Variants in LRRC56 observed in about 807,000 individuals in gnomAD.
LRRC56 encodes leucine-rich repeat-containing protein 56.
Under a neutral mutation model 47.8 loss-of-function variants are expected in LRRC56, and 41 were observed. The ratio of observed to expected loss-of-function variants is 0.86; its 90% confidence interval spans 0.67 to 1.11. LRRC56 has a LOEUF of 1.11. Among genes scored for constraint, LRRC56 ranks in the 50% most tolerant of loss-of-function variants. The pLI is 0.00. For synonymous variants in LRRC56, 387 were observed against 311.2 expected (o/e 1.24, Z -2.56); for missense variants, 759 against 704.2 (o/e 1.08, Z -0.88).
chr11:532,775 A>T (rs755243461), upstream of LRRC56: 3 of 1,611,116 alleles, frequency 1.9e-6, no homozygotes, highest in South Asian at 2.2e-5. Context: ...GAGGGATGGG[A>T]TCAGGAGGGA....
At chr11:530,811 G>C in the LRRC56 span, among the ~76,000 whole-genome samples, 521 of 24,566 alleles carry the variant, frequency 0.021, no homozygotes, top group Admixed American at 0.048. Flanking sequence ...AGAGAAGGGC[G>C]AGTGTGGCGT....
the LRRC56 span, among the ~76,000 whole-genome samples, chr11:518,451 G>C: frequency 6.6e-6 from 1 of 152,058 alleles, no homozygotes; most frequent in African/African-American, 2.4e-5. Context: ...AAAGTGCTTG[G>C]GATTACAGGC....
chr11:540,799 G>A lies in LRRC56; in HGVS notation c.115G>A (p.Gly39Ser), dbSNP rs759234077. The A allele has an allele frequency of 6.2e-7, 1 of 1,603,832 alleles. No individual in the cohort carries two copies. The highest frequency in any genetic ancestry group is 1.1e-5 in the South Asian group (1 of 89,270). The change falls in exon 4 of 14, where the codon GGC (glycine) becomes AGC (serine). Residue 39 changes from glycine to serine, a missense_variant. Gly to Ser is a moderately conservative substitution (Grantham distance 56, BLOSUM62 0). Transcript: ENST00000270115. ...CCCCTGCCCACAGAGCAAGGGCCCTGGCAGTCAGAGGGACAGACTTGGAGA... is the reference window on the plus strand; with the variant it reads ...CCCCTGCCCACAGAGCAAGGGCCCTAGCAGTCAGAGGGACAGACTTGGAGA... ...HNPCPQSKGP[G>S]SQRDRLGEQL...
At chr11:532,281 C>T in the LRRC56 span, 1 of 460,602 alleles carries the variant, frequency 2.2e-6, no homozygotes, top group South Asian at 2.4e-5. Context: ...CCATCTGTGC[C>T]CGACAAGGGC....
rs987049514 is a variant in LRRC56, at chr11:540,882, C to A, written c.177+21C>A. On this transcript the variant is annotated intron_variant, in intron 4 of 13. Coordinates refer to ENST00000270115, the MANE Select transcript of LRRC56 (RefSeq NM_198075.4). ...GGCTGGTGAGTGTGGGCGCTGGGGG[C>A]TGTGGCCACAGAGGCCTCCGTGGGG... 4 of 1,522,478 alleles carry A rather than the reference C, an allele frequency of 2.6e-6. No individual in the cohort carries two copies. In the African/African-American group the frequency reaches 4.1e-5, roughly 16 times the overall value. The allele number at this position is 1,522,478 out of a possible 1,614,324, so 94.3% of individuals were successfully genotyped here.
intron 5 of LRRC56, among the ~76,000 whole-genome samples, chr11:542,678 CCGTG>C (rs1385092439): frequency 1.3e-5 from 2 of 151,866 alleles, no homozygotes; most frequent in Non-Finnish European, 2.9e-5. Flanking sequence ...CTGCTCCCTC[CCGTG>C]CGTGCACAGC....
intron 9 of LRRC56, 51 bp downstream of exon 9, chr11:551,353 G>C: frequency 8.0e-7 from 1 of 1,257,484 alleles, no homozygotes; most frequent in African/African-American, 1.5e-5. Flanking sequence ...GCTCCCCCCA[G>C]GAAGAGGCCC....
the LRRC56 span, among the ~76,000 whole-genome samples, chr11:516,178 G>A: frequency 3.9e-5 from 6 of 152,204 alleles, no homozygotes; most frequent in African/African-American, 1.4e-4. Flanking sequence ...TGGATCACTT[G>A]AGGCCAGGAG....
the LRRC56 span, among the ~76,000 whole-genome samples, chr11:509,216 C>G: frequency 6.6e-6 from 1 of 152,130 alleles, no homozygotes; most frequent in Non-Finnish European, 1.5e-5. Context: ...GCTTTGGAGT[C>G]TGGATGTGAG....
chr11:522,777 C>T, the LRRC56 span, among the ~76,000 whole-genome samples: 100 of 152,210 alleles, frequency 6.6e-4, no homozygotes, highest in African/African-American at 2.1e-3. Flanking sequence ...GAGTTTCACT[C>T]GTTCCAAAGC....
At chr11:533,683 G>C, upstream of LRRC56, 1 of 1,611,716 alleles carries the variant, frequency 6.2e-7, no homozygotes, top group East Asian at 2.2e-5. Context: ...TGCGCAGAGA[G>C]GACAGGAGGC....
intron 13 of LRRC56, 94 bp downstream of exon 13, chr11:552,796 C>G: frequency 9.4e-7 from 1 of 1,059,530 alleles, no homozygotes; most frequent in Non-Finnish European, 1.4e-6. Flanking sequence ...ATGTGTCAAC[C>G]TGGCCCTGCT....
At chr11:508,567 G>C in the LRRC56 span, among the ~76,000 whole-genome samples, 1 of 152,186 alleles carries the variant, frequency 6.6e-6, no homozygotes, top group Non-Finnish European at 1.5e-5. Context: ...AGGAGTTCAA[G>C]ACCAGCCTGG....
the LRRC56 span, among the ~76,000 whole-genome samples, chr11:518,064 G>C: frequency 6.6e-6 from 1 of 152,096 alleles, no homozygotes; most frequent in East Asian, 1.9e-4. Context: ...AGGAAAACCA[G>C]AGACCTTTGT....
Position 554,767 on chromosome 11 carries a change from AG to A in LRRC56, c.*494del. 4.0e-6 allele frequency: 2 copies of A among 501,442 alleles called. No homozygotes were observed. Among genetic ancestry groups the A allele is most frequent in the Non-Finnish European group, 7.0e-6 (2 of 284,720 alleles). 31.1% of individuals were successfully genotyped at this position (501,442 alleles called of 1,614,324 possible). ...GGCCTCCCGTCTCCGGGGGATCTGT[AG>A]GGTTCCCGCACTGCGATAGGGCGGC... On this transcript the variant is annotated 3_prime_UTR_variant, in exon 14 of 14. Coordinates refer to ENST00000270115, the MANE Select transcript of LRRC56 (RefSeq NM_198075.4).
At chr11:507,475 G>A in the LRRC56 span, among the ~76,000 whole-genome samples, 140 of 152,134 alleles carry the variant, frequency 9.2e-4, no homozygotes, top group Non-Finnish European at 1.1e-3. Context: ...TGCCGGGGGC[G>A]GGGTCTGGCG....
chr11:532,245 A>G, the LRRC56 span: 25 of 407,132 alleles, frequency 6.1e-5, no homozygotes, highest in African/African-American at 3.9e-4. Flanking sequence ...ACCAAGATCA[A>G]GACCATCCAA....
At chr11:537,831 A>G (rs1474290296) in intron 1 of LRRC56, among the ~76,000 whole-genome samples, 1 of 152,166 alleles carries the variant, frequency 6.6e-6, no homozygotes, top group African/African-American at 2.4e-5. Context: ...GAGGGGCCCC[A>G]AGCCCTGCCC....
chr11:512,628 A>T, the LRRC56 span, among the ~76,000 whole-genome samples: 40 of 152,308 alleles, frequency 2.6e-4, no homozygotes, highest in African/African-American at 8.2e-4. Flanking sequence ...GGAGGTTTAA[A>T]ATCACCACTC....
Sources: gnomAD v4.1 joint callset for allele counts (sites outside exome capture counted in the v4.1 genomes callset) on GRCh38, gnomAD v4.1.1 for gene constraint, MANE v1.5 for transcripts, NCBI Gene and HGNC (gene_info 2026-07-23, HGNC 2026-07-21) for gene names.